The following SSC4D variants were observed in gnomAD, a reference collection of about 807,000 sequenced individuals.
SSC4D encodes the protein scavenger receptor cysteine rich family member with 4 domains.
SSC4D carries 57 observed loss-of-function variants against 63.4 expected under a neutral mutation model. That is an observed-to-expected ratio of 0.90 (90% CI 0.73 to 1.12). SSC4D has a LOEUF of 1.12. Ranked by LOEUF, SSC4D falls within the 50% of genes most tolerant of loss-of-function variation. The pLI, the probability that SSC4D is intolerant of heterozygous loss-of-function variation, is 0.00. For missense variants in SSC4D, 791 were observed against 806.4 expected, an observed-to-expected ratio of 0.98 and a Z score of 0.23; for synonymous variants, 352 against 345.4, an observed-to-expected ratio of 1.02 and a Z score of -0.21.
chr7:76,390,491 C>T (rs1281196513), intron 10 of SSC4D, 116 bp from the exon 11 acceptor site: 20 of 932,308 alleles, frequency 2.1e-5, no homozygotes, highest in East Asian at 8.0e-5. Context: ...CCCTAGGAGC[C>T]GCTAGATGAA....
chr7:76,390,047 G>C lies in SSC4D; in HGVS notation c.*12C>G, dbSNP rs1166807525. On this transcript the variant is annotated 3_prime_UTR_variant, in exon 11 of 11. Coordinates refer to ENST00000275560, the MANE Select transcript of SSC4D (RefSeq NM_080744.2). ...CTCCCAGAAGAAGAGGTGGTCTGCA[G>C]AGCGGGCTGGGTCATGAAGGCTGGC... 6 of 1,614,158 alleles carry C rather than the reference G, an allele frequency of 3.7e-6. No homozygotes were observed. The East Asian group carries it at 1.3e-4, about 36-fold the overall frequency.
intron 7 of SSC4D, 21 bp downstream of exon 7, chr7:76,395,232 C>A (rs756910800): frequency 1.9e-6 from 3 of 1,613,406 alleles, no homozygotes; most frequent in Non-Finnish European, 2.5e-6. Context: ...CCATTCCCGC[C>A]TGGAGGGCTG....
intron 1 of SSC4D, among the ~76,000 whole-genome samples, chr7:76,407,122 G>A (rs1584036063): frequency 6.6e-6 from 1 of 151,698 alleles, no homozygotes; most frequent in Admixed American, 6.6e-5. Flanking sequence ...CACCATACTC[G>A]GCTAATTTTT....
intron 3 of SSC4D, 151 bp from the exon 4 acceptor site, chr7:76,400,742 A>C: frequency 9.5e-7 from 1 of 1,053,582 alleles, no homozygotes; most frequent in Non-Finnish European, 1.3e-6. Context: ...TCCTGGGCTC[A>C]AGTGATCCTC....
rs745406480 is a variant in SSC4D at position 76,393,464 on chromosome 7, T to G, written c.1274A>C (p.His425Pro). The part of the protein sequence containing the change: ...GTEARLSDCF[H>P]LGWGQHNCGH... ...GCAGTTGTGCTGGCCCCAGCCCAGG[T>G]GGAAGCAGTCGCTCAGGCGAGCCTC... The change falls in exon 9 of 11, where the codon CAC becomes CCC. Residue 425 changes from histidine to proline, a missense_variant. Physicochemically the swap from His to Pro is moderately conservative, Grantham distance 77. Coordinates refer to ENST00000275560, the MANE Select transcript of SSC4D (RefSeq NM_080744.2). 2.0e-5 allele frequency: 30 copies of G among 1,536,446 alleles called. No homozygotes were observed. The highest frequency in any genetic ancestry group is 2.5e-5 in the Non-Finnish European group (29 of 1,150,086).
At position 76,404,598 on chromosome 7, in the gene SSC4D, C is replaced by T; in HGVS notation, c.-66-93G>A. On this transcript the variant is annotated intron_variant, in intron 1 of 10. Transcript: ENST00000275560. ...CTTGCACCCAGGGGTTTGAGATCAG[C>T]CTGGGCAACATAGTGAGACCCCCAT... 5.8e-6 allele frequency: 6 copies of T among 1,042,294 alleles called. 1 individual carries two copies. In the South Asian group the frequency reaches 8.6e-5, roughly 15 times the overall value. The allele number at this position is 1,042,294 out of a possible 1,614,324, so 64.6% of individuals were successfully genotyped here.
chr7:76,401,583 A>T (rs111797642), intron 2 of SSC4D, among the ~76,000 whole-genome samples: 9 of 152,010 alleles, frequency 5.9e-5, no homozygotes, highest in Non-Finnish European at 1.3e-4. Flanking sequence ...AGTCCAGCTA[A>T]TTTTTGTATT....
At chr7:76,403,024 A>G (rs1804879844) in intron 2 of SSC4D, among the ~76,000 whole-genome samples, 1 of 152,222 alleles carries the variant, frequency 6.6e-6, no homozygotes, top group Non-Finnish European at 1.5e-5. Flanking sequence ...TAAGTTAGGC[A>G]GGATTTTACA....
intron 7 of SSC4D, 143 bp from the exon 8 acceptor site, chr7:76,394,047 G>T: frequency 1.3e-6 from 1 of 761,410 alleles, no homozygotes; most frequent in Non-Finnish European, 2.0e-6. Flanking sequence ...TCACCACGTT[G>T]TCTGGCGCGG....
chr7:76,403,849 A>G (rs1804909306), intron 2 of SSC4D, among the ~76,000 whole-genome samples: 1 of 149,794 alleles, frequency 6.7e-6, no homozygotes, highest in African/African-American at 2.5e-5. Flanking sequence ...TTTAGTAGGG[A>G]CGCGGGTTTC....
intron 4 of SSC4D, 25 bp from the exon 5 acceptor site, chr7:76,398,822 A>G: frequency 1.9e-6 from 3 of 1,609,460 alleles, no homozygotes; most frequent in South Asian, 1.1e-5. Context: ...AAGTGGATAC[A>G]GGGGTCTTTC....
intron 2 of SSC4D, among the ~76,000 whole-genome samples, chr7:76,402,963 G>A (rs1418322062): frequency 2.6e-5 from 4 of 152,176 alleles, no homozygotes; most frequent in African/African-American, 4.8e-5. Context: ...CACTGCACCC[G>A]GCCTTCATTG....
At chr7:76,405,091 T>A (rs1405650176) in intron 1 of SSC4D, among the ~76,000 whole-genome samples, 1 of 149,406 alleles carries the variant, frequency 6.7e-6, no homozygotes. Flanking sequence ...AATTAAATTT[T>A]AAAAATACAA....
intron 1 of SSC4D, among the ~76,000 whole-genome samples, chr7:76,405,815 A>C (rs1383034476): frequency 6.6e-6 from 1 of 152,070 alleles, no homozygotes; most frequent in Non-Finnish European, 1.5e-5. Flanking sequence ...GGCTCGGCCC[A>C]AACCATGACC....
intron 1 of SSC4D, among the ~76,000 whole-genome samples, chr7:76,407,418 A>G (rs1268345688): frequency 1.3e-5 from 2 of 149,492 alleles, no homozygotes; most frequent in Non-Finnish European, 3.0e-5. Context: ...TGCACCCTCC[A>G]CCTTCCAGGT....
chr7:76,393,683 G>A lies in SSC4D; in HGVS notation c.1055C>T (p.Pro352Leu). 2 of 1,394,432 alleles carry A rather than the reference G, an allele frequency of 1.4e-6. No individual in the cohort carries two copies. The highest frequency in any genetic ancestry group is 1.6e-5 in the South Asian group (1 of 62,166). The allele number at this position is 1,394,432 out of a possible 1,614,324, so 86.4% of individuals were successfully genotyped here. A position where few individuals can be genotyped will look rare whatever the true frequency, so the allele number is the denominator to read the frequency against. ...CAACACCTCCACGCGGCCGCGGCACGGACCCGGGCCGCCCACCAGTCGCAG... is the reference window on the plus strand; with the variant it reads ...CAACACCTCCACGCGGCCGCGGCACAGACCCGGGCCGCCCACCAGTCGCAG... ...GRLRLVGGPG[P>L]CRGRVEVLHA... The change falls in exon 9 of 11, where the codon CCG becomes CTG. Residue 352 changes from proline to leucine, a missense_variant. Transcript: ENST00000275560.
At chr7:76,404,119 C>T (rs1176020446) in intron 2 of SSC4D, among the ~76,000 whole-genome samples, 188 bp downstream of exon 2, 3 of 152,118 alleles carry the variant, frequency 2.0e-5, no homozygotes, top group Non-Finnish European at 4.4e-5. Flanking sequence ...CCTGTCACCT[C>T]CAGTACTGAG....
At chr7:76,401,727 T>C (rs1210234631) in intron 2 of SSC4D, among the ~76,000 whole-genome samples, 2 of 152,184 alleles carry the variant, frequency 1.3e-5, no homozygotes, top group East Asian at 3.8e-4. Context: ...AAGAGCTTTT[T>C]TCAATTCCCA....
chr7:76,397,887 C>T, intron 5 of SSC4D, 55 bp from the exon 6 acceptor site: 1 of 1,454,576 alleles, frequency 6.9e-7, no homozygotes, highest in Non-Finnish European at 9.1e-7. Flanking sequence ...TGCCCCCGTC[C>T]GCACCGCAAG....
Sources: gnomAD v4.1 joint callset for allele counts (sites outside exome capture counted in the v4.1 genomes callset) on GRCh38, gnomAD v4.1.1 for gene constraint, MANE v1.5 for transcripts, NCBI Gene and HGNC (gene_info 2026-07-23, HGNC 2026-07-21) for gene names.